The following ATP2C1 variants were observed in gnomAD, a reference collection of about 807,000 sequenced individuals.
ATP2C1 encodes calcium-transporting ATPase type 2C member 1.
Under a neutral mutation model 120.5 loss-of-function variants are expected in ATP2C1, and 31 were observed. That is an observed-to-expected ratio of 0.26 (90% CI 0.19 to 0.35). ATP2C1 has a LOEUF of 0.35. Ranked by LOEUF, ATP2C1 falls within the 10% of genes least tolerant of loss-of-function variation. The pLI is 1.00. For missense variants in ATP2C1, 731 were observed against 1,107.5 expected, an observed-to-expected ratio of 0.66 and a Z score of 4.83; for synonymous variants, 351 against 358.7, an observed-to-expected ratio of 0.98 and a Z score of 0.24.
At chr3:130,979,660 G>T (rs546878090) in intron 19 of ATP2C1, among the ~76,000 whole-genome samples, 1 of 61,532 alleles carries the variant, frequency 1.6e-5, no homozygotes, top group East Asian at 2.6e-4. Context: ...TCACAGAAGG[G>T]TAATTATTTT....
At chr3:131,007,302 C>A (rs906424392), downstream of ATP2C1, among the ~76,000 whole-genome samples, 2 of 152,252 alleles carry the variant, frequency 1.3e-5, no homozygotes, top group South Asian at 2.1e-4. Context: ...TCACCGTACA[C>A]ACCTGATTTT....
At chr3:130,971,727 C>T (rs1262305097) in intron 17 of ATP2C1, among the ~76,000 whole-genome samples, 1 of 152,082 alleles carries the variant, frequency 6.6e-6, no homozygotes, top group Non-Finnish European at 1.5e-5. Flanking sequence ...ATAGAACTCC[C>T]CCAAGTACCT....
At chr3:130,922,121 C>T (rs2058997444) in intron 2 of ATP2C1, among the ~76,000 whole-genome samples, 1 of 151,992 alleles carries the variant, frequency 6.6e-6, no homozygotes, top group African/African-American at 2.4e-5. Flanking sequence ...TTTTTCATTC[C>T]TGTTTCAGTC....
At chr3:130,875,407 T>C (rs1442932694) in intron 1 of ATP2C1, among the ~76,000 whole-genome samples, 2 of 152,234 alleles carry the variant, frequency 1.3e-5, no homozygotes, top group African/African-American at 4.8e-5. Flanking sequence ...TTTATTTCAC[T>C]TAACATAACA....
At chr3:131,013,153 G>T (rs1205300946) in intron 26 of ATP2C1, among the ~76,000 whole-genome samples, 1 of 152,172 alleles carries the variant, frequency 6.6e-6, no homozygotes, top group East Asian at 1.9e-4. Flanking sequence ...TTTGGAACTG[G>T]CCGGCACTTT....
At chr3:130,860,107 T>C (rs1432533754) in intron 1 of ATP2C1, among the ~76,000 whole-genome samples, 2 of 152,232 alleles carry the variant, frequency 1.3e-5, no homozygotes, top group Admixed American at 1.3e-4. Flanking sequence ...AGTTAATGTA[T>C]GATTATTTTT....
intron 2 of ATP2C1, among the ~76,000 whole-genome samples, chr3:130,898,862 T>G (rs893858547): frequency 6.6e-6 from 1 of 152,202 alleles, no homozygotes; most frequent in Admixed American, 6.5e-5. Context: ...AGGAACACTG[T>G]GGCTTGATGG....
chr3:130,938,143 G>A (rs183541633), intron 6 of ATP2C1, among the ~76,000 whole-genome samples: 1 of 152,166 alleles, frequency 6.6e-6, no homozygotes, highest in Admixed American at 6.5e-5. Context: ...CATATGTAAA[G>A]TAGCCCCTTT....
At chr3:131,008,248 G>A (rs1157191419) in intron 26 of ATP2C1, among the ~76,000 whole-genome samples, 3 of 152,044 alleles carry the variant, frequency 2.0e-5, no homozygotes, top group Non-Finnish European at 4.4e-5. Context: ...GACCAGTCTG[G>A]CCAACATGGC....
upstream of ATP2C1, chr3:130,893,899 G>T: frequency 1.0e-6 from 1 of 984,200 alleles, no homozygotes; most frequent in Non-Finnish European, 1.2e-6. Flanking sequence ...TCCATTCCGG[G>T]CCGAAGTCTC....
intron 1 of ATP2C1, among the ~76,000 whole-genome samples, chr3:130,869,528 C>G (rs779555147): frequency 6.7e-5 from 10 of 148,360 alleles, no homozygotes; most frequent in Non-Finnish European, 1.2e-4. Context: ...CCTCATGCAT[C>G]AGTTAGCCAA....
intron 1 of ATP2C1, among the ~76,000 whole-genome samples, chr3:130,882,922 G>A (rs781579501): frequency 2.6e-5 from 4 of 152,032 alleles, no homozygotes; most frequent in Non-Finnish European, 5.9e-5. Context: ...GAGTAGCATT[G>A]GTATTAGTTC....
chr3:130,925,225 A>G (rs147513597), intron 2 of ATP2C1, among the ~76,000 whole-genome samples: 4,104 of 152,234 alleles, frequency 0.027, 188 homozygotes, highest in African/African-American at 0.093. Flanking sequence ...AAGATCTGGG[A>G]TTCAAGGGCT....
intron 8 of ATP2C1, among the ~76,000 whole-genome samples, chr3:130,953,162 T>A (rs1158016719): frequency 6.6e-6 from 1 of 152,086 alleles, no homozygotes; most frequent in South Asian, 2.1e-4. Context: ...AAATTGTTTT[T>A]TTTTTCTTTT....
chr3:130,991,230 A>G (rs1046325487), intron 20 of ATP2C1, among the ~76,000 whole-genome samples: 2 of 152,062 alleles, frequency 1.3e-5, no homozygotes, highest in Non-Finnish European at 2.9e-5. Context: ...AAGCCAAGGG[A>G]AGATGGTGTT....
chr3:130,877,736 C>T (rs1246096797), intron 1 of ATP2C1, among the ~76,000 whole-genome samples: 3 of 152,134 alleles, frequency 2.0e-5, no homozygotes, highest in African/African-American at 7.2e-5. Flanking sequence ...GTGGCGATTC[C>T]TCAGGGATCT....
At chr3:130,912,724 A>C (rs530036049) in intron 2 of ATP2C1, among the ~76,000 whole-genome samples, 3 of 146,446 alleles carry the variant, frequency 2.0e-5, no homozygotes, top group African/African-American at 7.6e-5. Flanking sequence ...AACTAGAAAT[A>C]CCATTTGACC....
chr3:130,902,283 CGTTTTTTTTTTTTG>C (rs1277072143), intron 2 of ATP2C1, among the ~76,000 whole-genome samples: 15 of 80,910 alleles, frequency 1.9e-4, no homozygotes, highest in African/African-American at 2.4e-4. Flanking sequence ...CAAGGCTTCA[CGTTTTTTTTTTTTG>C]TTTTTTTTTT....
intron 7 of ATP2C1, among the ~76,000 whole-genome samples, chr3:130,941,223 AGTGTGTGTGTGTGTGTGTGT>A (rs71774561): frequency 7.6e-5 from 11 of 144,426 alleles, no homozygotes; most frequent in African/African-American, 2.1e-4. Flanking sequence ...TGTATTTAAC[AGTGTGTGTGTGTGTGTGTGT>A]GTGTGTGTGT....
Sources: allele counts gnomAD v4.1 joint callset (sites outside exome capture counted in the v4.1 genomes callset), GRCh38; gene constraint gnomAD v4.1.1; transcripts MANE v1.5; gene names NCBI Gene and HGNC (gene_info 2026-07-23, HGNC 2026-07-21).